Variants in ZNRF2 observed in about 807,000 individuals in gnomAD.
ZNRF2 encodes the protein E3 ubiquitin-protein ligase ZNRF2.
A neutral mutation model predicts 20.4 loss-of-function variants in ZNRF2; 16 were observed. The ratio of observed to expected loss-of-function variants is 0.79; its 90% CI spans 0.53 to 1.19. The LOEUF (loss-of-function observed/expected upper bound fraction) is 1.19, where lower values mean the gene tolerates loss of function less well. Among genes scored for constraint, ZNRF2 ranks in the 50% most tolerant of loss-of-function variants. ZNRF2 has a pLI of 0.00. For synonymous variants in ZNRF2, 178 were observed against 144.9 expected (o/e 1.23, Z -1.64); for missense variants, 363 against 332.4 (o/e 1.09, Z -0.72).
At chr7:30,343,327 G>T (rs1255763079) in intron 2 of ZNRF2, among the ~76,000 whole-genome samples, 1 of 151,878 alleles carries the variant, frequency 6.6e-6, no homozygotes, top group Admixed American at 6.6e-5. Context: ...AAAACAAAAA[G>T]ACATAGATAA....
At chr7:30,362,480 T>C (rs764629016) in intron 4 of ZNRF2, 24 bp downstream of exon 4, 4 of 1,459,646 alleles carry the variant, frequency 2.7e-6, no homozygotes, top group East Asian at 4.6e-5. Flanking sequence ...TAATTACTTT[T>C]TAAAGCGTTA....
intron 2 of ZNRF2, among the ~76,000 whole-genome samples, chr7:30,353,511 T>C (rs1799989132): frequency 6.6e-6 from 1 of 152,128 alleles, no homozygotes; most frequent in Non-Finnish European, 1.5e-5. Flanking sequence ...CTGCAAAGCA[T>C]CTGAGGGATA....
At chr7:30,285,870 C>G (rs1486824660) in intron 1 of ZNRF2, 44 bp downstream of exon 1, 3 of 1,415,960 alleles carry the variant, frequency 2.1e-6, no homozygotes, top group South Asian at 1.6e-5. Flanking sequence ...CCTCCCGCGG[C>G]TGCACGTGGG....
chr7:30,314,530 G>A (rs1374492483), intron 1 of ZNRF2, among the ~76,000 whole-genome samples: 2 of 151,844 alleles, frequency 1.3e-5, no homozygotes, highest in African/African-American at 4.8e-5. Flanking sequence ...AAAAAAGATG[G>A]ACAGAAAGTT....
intron 1 of ZNRF2, among the ~76,000 whole-genome samples, chr7:30,323,042 C>T (rs995636519): frequency 3.3e-5 from 5 of 152,148 alleles, no homozygotes; most frequent in African/African-American, 9.7e-5. Flanking sequence ...ACCTGTACCC[C>T]GATCTGATGC....
intron 1 of ZNRF2, among the ~76,000 whole-genome samples, chr7:30,313,134 T>C (rs1799316528): frequency 1.3e-5 from 2 of 152,188 alleles, no homozygotes; most frequent in Admixed American, 6.6e-5. Context: ...CTGAAGGGAA[T>C]TGGAAATGTG....
At chr7:30,285,966 T>G (rs1583559466) in intron 1 of ZNRF2, 140 bp downstream of exon 1, 1 of 1,319,412 alleles carries the variant, frequency 7.6e-7, no homozygotes, top group Non-Finnish European at 9.7e-7. Flanking sequence ...CCCGCGTCGG[T>G]CTCCATCCTG....
intron 2 of ZNRF2, among the ~76,000 whole-genome samples, chr7:30,351,701 T>A (rs780564342): frequency 6.6e-6 from 1 of 152,056 alleles, no homozygotes; most frequent in Admixed American, 6.6e-5. Context: ...TTCTGGTAAG[T>A]TACTTTACTT....
intron 1 of ZNRF2, among the ~76,000 whole-genome samples, chr7:30,302,350 C>T (rs528642379): frequency 2.0e-5 from 3 of 151,996 alleles, no homozygotes; most frequent in Non-Finnish European, 4.4e-5. Flanking sequence ...TCTTATTTTT[C>T]TTTGTTTACT....
At chr7:30,363,783 G>A (rs984349467) in intron 4 of ZNRF2, among the ~76,000 whole-genome samples, 4 of 151,268 alleles carry the variant, frequency 2.6e-5, no homozygotes, top group African/African-American at 9.7e-5. Context: ...TTTCACAAGT[G>A]CATTAAATTG....
At chr7:30,310,294 A>G (rs926656959) in intron 1 of ZNRF2, among the ~76,000 whole-genome samples, 9 of 152,224 alleles carry the variant, frequency 5.9e-5, no homozygotes, top group Non-Finnish European at 1.2e-4. Flanking sequence ...GGCAGCTTAC[A>G]GATGAGTTTT....
intron 2 of ZNRF2, among the ~76,000 whole-genome samples, chr7:30,333,986 T>G (rs1040667177): frequency 4.6e-5 from 7 of 152,200 alleles, no homozygotes; most frequent in Admixed American, 4.6e-4. Flanking sequence ...GTGAAGAAGC[T>G]CTTCAGTTTA....
intron 2 of ZNRF2, 130 bp from the exon 3 acceptor site, chr7:30,355,598 A>T (rs1394127157): frequency 1.6e-6 from 1 of 622,508 alleles, no homozygotes; most frequent in East Asian, 2.8e-5. Flanking sequence ...GCTGAGTTTT[A>T]TGTATTTCTG....
Position 30,284,985 on chromosome 7 carries a change from G to A in ZNRF2, c.-373G>A. On this transcript the variant is annotated 5_prime_UTR_variant, in exon 1 of 5. Coordinates refer to ENST00000323037, the MANE Select transcript of ZNRF2 (RefSeq NM_147128.4). Reference sequence around the variant, plus strand: ...AGGAGGCGGTGCCGAGATCGGGGGCGCCGAGCGCGGCAGCAGAGAGCGGTA... The same window carrying A: ...AGGAGGCGGTGCCGAGATCGGGGGCACCGAGCGCGGCAGCAGAGAGCGGTA... 1 of 341,268 alleles carries A rather than the reference G, an allele frequency of 2.9e-6. No individual in the cohort carries two copies. Among genetic ancestry groups the A allele is most frequent in the Non-Finnish European group, 5.8e-6 (1 of 171,114 alleles). The allele number at this position is 341,268 out of a possible 1,614,324, so 21.1% of individuals were successfully genotyped here. A position where few individuals can be genotyped will look rare whatever the true frequency, so the allele number is the denominator to read the frequency against.
intron 2 of ZNRF2, among the ~76,000 whole-genome samples, chr7:30,340,851 G>A (rs1349332238): frequency 6.6e-6 from 1 of 152,094 alleles, no homozygotes; most frequent in African/African-American, 2.4e-5. Flanking sequence ...GTAGAGTTTG[G>A]CTGTAAATCC....
At chr7:30,363,726 A>AT (rs1448506015) in intron 4 of ZNRF2, among the ~76,000 whole-genome samples, 1 of 152,016 alleles carries the variant, frequency 6.6e-6, no homozygotes, top group East Asian at 1.9e-4. Context: ...TAGTGAATTG[A>AT]ATGCTGACCT....
chr7:30,324,967 T>C (rs927072013), intron 2 of ZNRF2, among the ~76,000 whole-genome samples: 2 of 152,214 alleles, frequency 1.3e-5, no homozygotes, highest in Admixed American at 1.3e-4. Context: ...TCTCTGTCTT[T>C]CCTCCCATAT....
chr7:30,328,073 G>C (rs1196473153), intron 2 of ZNRF2, among the ~76,000 whole-genome samples: 1 of 152,128 alleles, frequency 6.6e-6, no homozygotes, highest in Non-Finnish European at 1.5e-5. Context: ...CAGAGAGGTG[G>C]CAGGTTAATA....
At chr7:30,360,527 G>GA (rs11341697) in intron 3 of ZNRF2, among the ~76,000 whole-genome samples, 111 of 144,686 alleles carry the variant, frequency 7.7e-4, no homozygotes, top group East Asian at 2.2e-3. Flanking sequence ...GTCTCTACTG[G>GA]AAAAAAAAAA....
Sources: allele counts gnomAD v4.1 joint callset (sites outside exome capture counted in the v4.1 genomes callset), GRCh38; gene constraint gnomAD v4.1.1; transcripts MANE v1.5; gene names NCBI Gene and HGNC (gene_info 2026-07-23, HGNC 2026-07-21).